Variants in KCNIP4 observed in about 807,000 individuals in gnomAD.
KCNIP4 encodes potassium voltage-gated channel interacting protein 4, also known as Kv channel-interacting protein 4.
A neutral mutation model predicts 34.0 loss-of-function variants in KCNIP4; 12 were observed. The observed-to-expected ratio is 0.35, with a 90% CI of 0.23 to 0.57. The LOEUF is 0.57. Ranked by LOEUF, KCNIP4 falls within the 20% of genes least tolerant of loss-of-function variation. The pLI is 0.83. For synonymous variants in KCNIP4, 124 were observed against 102.2 expected, an observed-to-expected ratio of 1.21 and a Z score of -1.29; for missense variants, 238 against 311.7, an observed-to-expected ratio of 0.76 and a Z score of 1.78.
Position 21,648,023 on chromosome 4 carries a change from G to A in KCNIP4, c.61+300548C>T, listed in dbSNP as rs569760754. 4.0e-5 allele frequency among the ~76,000 whole-genome samples: 6 copies of A among 151,536 alleles called. No homozygotes were observed. The South Asian group carries it at 1.0e-3, about 26-fold the overall frequency. On this transcript the variant is annotated intron_variant, in intron 1 of 8. Coordinates refer to ENST00000382152, the MANE Select transcript of KCNIP4 (RefSeq NM_025221.6). ...CTAGTAGCTGGGACTACAGACGCTC[G>A]CCACCACGCCCAGCTAATTTTTTGT... is the stretch of plus-strand genomic sequence containing the variant.
intron 1 of KCNIP4, among the ~76,000 whole-genome samples, chr4:20,889,813 T>C (rs890420914): frequency 3.3e-5 from 5 of 149,266 alleles, no homozygotes; most frequent in African/African-American, 4.9e-5. Flanking sequence ...TACCTCTGCA[T>C]CTAGAAGTCA....
chr4:20,994,172 A>G (rs1207633644), intron 1 of KCNIP4, among the ~76,000 whole-genome samples: 1 of 152,194 alleles, frequency 6.6e-6, no homozygotes, highest in African/African-American at 2.4e-5. Flanking sequence ...ACACAAATTT[A>G]CTATTTCACA....
chr4:21,167,414 T>C (rs1185359780), intron 1 of KCNIP4, among the ~76,000 whole-genome samples: 1 of 152,222 alleles, frequency 6.6e-6, no homozygotes, highest in African/African-American at 2.4e-5. Context: ...AATTTTTTAC[T>C]GAATCAAAAT....
In KCNIP4 at chr4:21,388,332, C is replaced by T. The variant is rs73799178; in HGVS notation, c.62-505623G>A. On this transcript the variant is annotated intron_variant, in intron 1 of 8. Transcript: ENST00000382152. ...CTCAACTGTTCCACACTAACTATAC[C>T]TCTGAATCTGAATTTTCTAGGCTGT... is the stretch of plus-strand genomic sequence containing the variant. 5.7e-3 allele frequency among the ~76,000 whole-genome samples: 856 copies of T among 150,904 alleles called. 18 individuals carry two copies. The highest frequency in any genetic ancestry group is 0.019 in the African/African-American group (802 of 41,174).
chr4:21,600,891 T>C (rs766596547), intron 1 of KCNIP4, among the ~76,000 whole-genome samples: 5 of 152,032 alleles, frequency 3.3e-5, no homozygotes, highest in Non-Finnish European at 7.4e-5. Context: ...TACCTGCTAA[T>C]AGACATCTCC....
At chr4:21,744,284 A>G (rs1577930603) in intron 1 of KCNIP4, among the ~76,000 whole-genome samples, 2 of 152,084 alleles carry the variant, frequency 1.3e-5, no homozygotes, top group Admixed American at 1.3e-4. Context: ...TAGCAAAGTC[A>G]CCCTCTTGCC....
intron 1 of KCNIP4, among the ~76,000 whole-genome samples, chr4:21,321,807 GA>G (rs1714486022): frequency 7.2e-6 from 1 of 138,198 alleles, no homozygotes; most frequent in African/African-American, 2.7e-5. Flanking sequence ...GGAGGGAGAA[GA>G]GGAGGGAAGG....
At position 21,931,600 on chromosome 4, in the gene KCNIP4, A is replaced by C. The variant is rs185163453; in HGVS notation, c.61+16971T>G. 4.6e-5 allele frequency among the ~76,000 whole-genome samples: 7 copies of C among 152,006 alleles called. No individual in the cohort carries two copies. The East Asian group carries it at 1.4e-3, about 30-fold the overall frequency. ...ATGTCCCTACAAAGGACATTAACTT[A>C]TCATTTTTTATGGCTGCATAGTATT... On this transcript the variant is annotated intron_variant, in intron 1 of 8. Coordinates refer to ENST00000382152, the MANE Select transcript of KCNIP4 (RefSeq NM_025221.6).
chr4:20,995,142 G>T (rs1023819174), intron 1 of KCNIP4, among the ~76,000 whole-genome samples: 2 of 152,078 alleles, frequency 1.3e-5, no homozygotes, highest in South Asian at 4.1e-4. Context: ...AGACTAAAAA[G>T]GTTTGCATGA....
chr4:21,155,411 C>A (rs1207735983), intron 1 of KCNIP4, among the ~76,000 whole-genome samples: 2 of 152,110 alleles, frequency 1.3e-5, no homozygotes, highest in Non-Finnish European at 2.9e-5. Context: ...ATTTCAAGGG[C>A]ATATTTACAA....
At chr4:20,958,767 C>A (rs1402029281) in intron 1 of KCNIP4, among the ~76,000 whole-genome samples, 1 of 152,176 alleles carries the variant, frequency 6.6e-6, no homozygotes, top group Non-Finnish European at 1.5e-5. Flanking sequence ...TAGAAAATAT[C>A]TGTAGCTGAC....
intron 1 of KCNIP4, among the ~76,000 whole-genome samples, chr4:21,741,478 C>T (rs752487464): frequency 7.0e-4 from 106 of 152,126 alleles, no homozygotes; most frequent in Non-Finnish European, 5.3e-4. Flanking sequence ...GCTTTTATCT[C>T]TGGGATGGGC....
intron 1 of KCNIP4, among the ~76,000 whole-genome samples, chr4:20,971,737 GT>G (rs1399382448): frequency 6.6e-6 from 1 of 152,200 alleles, no homozygotes; most frequent in Non-Finnish European, 1.5e-5. Context: ...TGGAGTAATT[GT>G]GGCAGTTTCT....
intron 1 of KCNIP4, chr4:21,763,038 T>C (rs934312683): frequency 1.0e-4 from 134 of 1,288,762 alleles, no homozygotes; most frequent in South Asian, 1.2e-4. Context: ...CGCTTCTAGA[T>C]TGAATGGACA....
At chr4:21,425,993 G>A (rs1180894461) in intron 1 of KCNIP4, among the ~76,000 whole-genome samples, 1 of 152,154 alleles carries the variant, frequency 6.6e-6, no homozygotes, top group East Asian at 1.9e-4. Context: ...GGGAGAGGTT[G>A]CAGTGAGCTG....
At chr4:21,844,098 G>A (rs1187336223) in intron 1 of KCNIP4, 1 of 152,030 alleles carries the variant, frequency 6.6e-6, no homozygotes, top group East Asian at 1.9e-4. Flanking sequence ...CTTACATGTT[G>A]AAGGTAATGG....
chr4:21,719,284 T>C (rs2109092017), intron 1 of KCNIP4, among the ~76,000 whole-genome samples: 1 of 152,292 alleles, frequency 6.6e-6, no homozygotes, highest in Non-Finnish European at 1.5e-5. Flanking sequence ...TCGTTTCATC[T>C]CAGAGGAACA....
chr4:21,174,350 A>C (rs938665732), intron 1 of KCNIP4, among the ~76,000 whole-genome samples: 2 of 152,134 alleles, frequency 1.3e-5, no homozygotes, highest in Non-Finnish European at 2.9e-5. Flanking sequence ...ATTCAGCTCT[A>C]TCCTTGCTGG....
intron 1 of KCNIP4, among the ~76,000 whole-genome samples, chr4:20,963,337 A>C (rs936499220): frequency 2.0e-5 from 3 of 152,146 alleles, no homozygotes; most frequent in East Asian, 1.9e-4. Flanking sequence ...AAAAAACAAA[A>C]AAAAAAACAA....
Sources: allele counts gnomAD v4.1 joint callset (sites outside exome capture counted in the v4.1 genomes callset), GRCh38; gene constraint gnomAD v4.1.1; transcripts MANE v1.5; gene names NCBI Gene and HGNC (gene_info 2026-07-23, HGNC 2026-07-21).